The following C1orf54 variants were observed in gnomAD, a reference collection of about 807,000 sequenced individuals.
C1orf54 encodes the protein chromosome 1 open reading frame 54.
A neutral mutation model predicts 14.7 loss-of-function variants in C1orf54; 12 were observed. The ratio of observed to expected loss-of-function variants is 0.82; its 90% CI spans 0.52 to 1.32. The LOEUF (loss-of-function observed/expected upper bound fraction) is 1.32, where lower values mean the gene tolerates loss of function less well. Ranked by LOEUF, C1orf54 falls within the 40% of genes most tolerant of loss-of-function variation. The pLI is 0.00. For synonymous variants in C1orf54, 65 were observed against 56.3 expected (o/e 1.16, Z -0.70); for missense variants, 163 against 162.2 (o/e 1.00, Z -0.03).
upstream of C1orf54, chr1:150,269,030 G>T: frequency 2.0e-6 from 1 of 501,234 alleles, no homozygotes; most frequent in Non-Finnish European, 3.7e-6. Context: ...ACAAATCCCG[G>T]CCGCAGCCCC....
chr1:150,280,921 GT>G, downstream of C1orf54: 1 of 1,536,174 alleles, frequency 6.5e-7, no homozygotes. Context: ...AAATAATCTG[GT>G]TACCATCTAC....
chr1:150,280,243 G>A (rs141605448), intron 5 of C1orf54, among the ~76,000 whole-genome samples: 1 of 152,282 alleles, frequency 6.6e-6, no homozygotes, highest in South Asian at 2.1e-4. Context: ...CAAGTAAAAT[G>A]AAAGAAGAGG....
chr1:150,274,000 G>A, intron 1 of C1orf54, 87 bp from the exon 2 acceptor site: 1 of 819,524 alleles, frequency 1.2e-6, no homozygotes. Flanking sequence ...GAGCAAGAAA[G>A]CTGGGAGCGC....
In C1orf54 at chr1:150,278,884, C is replaced by G. The variant is rs782099430; in HGVS notation, c.301-759C>G. 8.5e-5 allele frequency among the ~76,000 whole-genome samples: 13 copies of G among 152,094 alleles called. 1 individual carries two copies. The highest frequency in any genetic ancestry group is 5.9e-4 in the Admixed American group (9 of 15,262). ...GCAACGGCTGGAAAGGGGAATAGGA[C>G]CAAAGAGCAGCCTGCATATAGTTGA... is the stretch of plus-strand genomic sequence containing the variant. On this transcript the variant is annotated intron_variant, in intron 4 of 5. Transcript: ENST00000369099.
upstream of C1orf54, chr1:150,272,784 T>C: frequency 6.2e-7 from 1 of 1,613,236 alleles, no homozygotes; most frequent in Non-Finnish European, 8.5e-7. Flanking sequence ...GTAATTTCCT[T>C]TTTTACTTTC....
chr1:150,268,956 AG>A (rs587608274), upstream of C1orf54: 443 of 653,108 alleles, frequency 6.8e-4, 4 homozygotes, highest in South Asian at 4.1e-3. Flanking sequence ...GGGAAGGGGA[AG>A]GGGGGGAACC....
Position 150,274,912 on chromosome 1 carries a change from C to A in C1orf54, c.130+742C>A, listed in dbSNP as rs78357740. Reference sequence around the variant, plus strand: ...TGGGCGACAGAATGAGACTACGTCACAAAAAAAAAAAAAGACTCATGATGA... The same window carrying A: ...TGGGCGACAGAATGAGACTACGTCAAAAAAAAAAAAAAAGACTCATGATGA... On this transcript the variant is annotated intron_variant, in intron 2 of 5. Coordinates refer to ENST00000369099, the MANE Select transcript of C1orf54 (RefSeq NM_024579.4). Among the ~76,000 whole-genome samples, 661 of 142,406 alleles carry A rather than the reference C, an allele frequency of 4.6e-3. 1 individual carries two copies. The highest frequency in any genetic ancestry group is 0.014 in the Middle Eastern group (4 of 288). 93.4% of individuals were successfully genotyped at this position (142,406 alleles called of 152,430 possible). A position where few individuals can be genotyped will look rare whatever the true frequency, so the allele number is the denominator to read the frequency against.
At chr1:150,272,537 T>C (rs1652283200), upstream of C1orf54, 1 of 386,370 alleles carries the variant, frequency 2.6e-6, no homozygotes, top group Non-Finnish European at 4.7e-6. Context: ...GTAGTGACAG[T>C]GGGAGTCTTG....
chr1:150,277,893 T>C (rs1344011929), intron 4 of C1orf54, among the ~76,000 whole-genome samples: 2 of 151,886 alleles, frequency 1.3e-5, no homozygotes, highest in African/African-American at 4.8e-5. Flanking sequence ...AAGTCGGGAG[T>C]TCGAGACCAG....
upstream of C1orf54, among the ~76,000 whole-genome samples, chr1:150,271,181 C>G (rs1553851237): frequency 6.6e-6 from 1 of 151,348 alleles, no homozygotes; most frequent in African/African-American, 2.4e-5. Context: ...GGTGCTATCT[C>G]GGCTCACTGC....
At chr1:150,268,965 A>C, upstream of C1orf54, 1 of 617,104 alleles carries the variant, frequency 1.6e-6, no homozygotes, top group Non-Finnish European at 2.8e-6. Context: ...AAGGGGGGGA[A>C]CCGAAACCCC....
At chr1:150,274,047 G>A in intron 1 of C1orf54, 40 bp from the exon 2 acceptor site, 1 of 1,442,784 alleles carries the variant, frequency 6.9e-7, no homozygotes, top group Non-Finnish European at 9.7e-7. Context: ...TTAGTAAGGT[G>A]TTCCAGATGT....
At chr1:150,280,117 G>A (rs190065489) in intron 5 of C1orf54, among the ~76,000 whole-genome samples, 2 of 152,190 alleles carry the variant, frequency 1.3e-5, no homozygotes, top group Non-Finnish European at 2.9e-5. Context: ...CCAGCTATTG[G>A]GGGGGATGGG....
rs187606119 is a variant in C1orf54 at position 150,274,206 on chromosome 1, G to A, written c.130+36G>A. On this transcript the variant is annotated intron_variant, in intron 2 of 5. Transcript: ENST00000369099. ...GAAAGGCTCTTGCCCTTAGCCAACTGGAGAGAGGCTTCAGGATATTTAGTT... is the reference window on the plus strand; with the variant it reads ...GAAAGGCTCTTGCCCTTAGCCAACTAGAGAGAGGCTTCAGGATATTTAGTT... The A allele has an allele frequency of 4.6e-4, 649 of 1,415,962 alleles. 5 individuals are homozygous for A. In the Admixed American group the frequency reaches 7.6e-3, roughly 17 times the overall value. 87.7% of individuals were successfully genotyped at this position (1,415,962 alleles called of 1,614,324 possible).
upstream of C1orf54, chr1:150,268,738 C>G (rs782313192): frequency 6.2e-7 from 1 of 1,613,808 alleles, no homozygotes; most frequent in East Asian, 2.2e-5. Flanking sequence ...TCCCCAGCCA[C>G]AGTGATCAAG....
intron 4 of C1orf54, among the ~76,000 whole-genome samples, chr1:150,279,165 G>A (rs1485100549): frequency 6.6e-6 from 1 of 152,190 alleles, no homozygotes; most frequent in Non-Finnish European, 1.5e-5. Flanking sequence ...CAGCTACTTG[G>A]GAGGCAGGCA....
At chr1:150,268,963 G>A (rs199768691), upstream of C1orf54, 15 of 623,692 alleles carry the variant, frequency 2.4e-5, no homozygotes, top group South Asian at 9.8e-5. Flanking sequence ...GGAAGGGGGG[G>A]AACCGAAACC....
upstream of C1orf54, chr1:150,268,893 G>T: frequency 7.8e-7 from 1 of 1,275,184 alleles, no homozygotes; most frequent in Non-Finnish European, 1.1e-6. Flanking sequence ...GTCCGCGTGG[G>T]GTGGCAACGC....
At chr1:150,279,820 T>A in intron 5 of C1orf54, 79 bp downstream of exon 5, 1 of 1,200,636 alleles carries the variant, frequency 8.3e-7, no homozygotes. Flanking sequence ...GAAGTAATTC[T>A]TACCAGTATC....
Sources: gnomAD v4.1 joint callset for allele counts (sites outside exome capture counted in the v4.1 genomes callset) on GRCh38, gnomAD v4.1.1 for gene constraint, MANE v1.5 for transcripts, NCBI Gene and HGNC (gene_info 2026-07-23, HGNC 2026-07-21) for gene names.